PRKG2: variants seen among roughly 807,000 people sequenced by gnomAD.
The protein encoded by PRKG2 is cGMP-dependent protein kinase 2.
PRKG2 carries 33 observed loss-of-function variants against 97.2 expected under a neutral mutation model. The observed-to-expected ratio is 0.34, with a 90% CI of 0.26 to 0.45. PRKG2 has a LOEUF of 0.45. Ranked by LOEUF, PRKG2 falls within the 20% of genes least tolerant of loss-of-function variation. The pLI, the probability that PRKG2 is intolerant of heterozygous loss-of-function variation, is 1.00. For missense variants in PRKG2, 638 were observed against 900.0 expected (o/e 0.71, Z 3.73); for synonymous variants, 330 against 321.8 (o/e 1.03, Z -0.27).
rs544480942 is a variant in PRKG2, at chr4:81,199,326, C to A, written c.461+5261G>T. On this transcript the variant is annotated intron_variant, in intron 2 of 18. Coordinates refer to ENST00000264399, the MANE Select transcript of PRKG2 (RefSeq NM_006259.3). ...ACAATAGCAGGGAGATTTTTCTAAT[C>A]ATTGCATTTAAAAAAAATTATTTCT... 2.0e-5 allele frequency among the ~76,000 whole-genome samples: 3 copies of A among 152,118 alleles called. No homozygotes were observed. The East Asian group carries it at 5.8e-4, about 29-fold the overall frequency.
chr4:81,163,027 G>T (rs1749697823), intron 6 of PRKG2, among the ~76,000 whole-genome samples: 1 of 152,182 alleles, frequency 6.6e-6, no homozygotes, highest in Non-Finnish European at 1.5e-5. Context: ...AGGGGGAAAA[G>T]CTTGAAAGGG....
chr4:81,202,836 C>T (rs1055698994), intron 2 of PRKG2, among the ~76,000 whole-genome samples: 1 of 151,802 alleles, frequency 6.6e-6, no homozygotes, highest in Admixed American at 6.6e-5. Context: ...TGGTGTTTTG[C>T]CTCAAGATGA....
At chr4:81,189,891 T>C (rs1252785523) in intron 2 of PRKG2, among the ~76,000 whole-genome samples, 1 of 152,048 alleles carries the variant, frequency 6.6e-6, no homozygotes, top group African/African-American at 2.4e-5. Context: ...GACCTCTTCA[T>C]GGAGAACTAC....
At chr4:81,210,228 A>T (rs777309310) in intron 1 of PRKG2, among the ~76,000 whole-genome samples, 1 of 151,902 alleles carries the variant, frequency 6.6e-6, no homozygotes, top group Non-Finnish European at 1.5e-5. Flanking sequence ...GAAAAAATTG[A>T]CAATTTTGAC....
At chr4:81,176,553 G>A (rs754830828) in intron 2 of PRKG2, among the ~76,000 whole-genome samples, 107 of 152,180 alleles carry the variant, frequency 7.0e-4, no homozygotes, top group African/African-American at 2.4e-3. Flanking sequence ...TCCAGCTTTC[G>A]CAGACTTTAT....
chr4:81,204,130 C>T (rs2110129170), intron 2 of PRKG2, among the ~76,000 whole-genome samples: 1 of 152,232 alleles, frequency 6.6e-6, no homozygotes. Flanking sequence ...TAGAGACCAC[C>T]ATAAACTGGA....
At chr4:81,151,932 A>G (rs762233885) in intron 8 of PRKG2, 28 bp downstream of exon 8, 1 of 1,529,058 alleles carries the variant, frequency 6.5e-7, no homozygotes, top group South Asian at 1.2e-5. Flanking sequence ...ATTTTATCCA[A>G]AGTATGGCAT....
At chr4:81,120,655 C>T (rs1372596958) in intron 14 of PRKG2, among the ~76,000 whole-genome samples, 1 of 152,148 alleles carries the variant, frequency 6.6e-6, no homozygotes, top group African/African-American at 2.4e-5. Flanking sequence ...TATCCTGCAA[C>T]CTTGCTGTAA....
chr4:81,216,706 C>T (rs1050081547), upstream of PRKG2, among the ~76,000 whole-genome samples: 6 of 151,952 alleles, frequency 3.9e-5, no homozygotes, highest in African/African-American at 1.2e-4. Flanking sequence ...CTATTGGAGT[C>T]CCCAGTGTCT....
chr4:81,097,926 T>G (rs1223455521), intron 17 of PRKG2, among the ~76,000 whole-genome samples: 2 of 152,184 alleles, frequency 1.3e-5, no homozygotes, highest in Non-Finnish European at 2.9e-5. Flanking sequence ...CTAAAATTTG[T>G]TCCATATCAG....
At chr4:81,130,834 C>A (rs958364389) in intron 14 of PRKG2, among the ~76,000 whole-genome samples, 1 of 152,262 alleles carries the variant, frequency 6.6e-6, no homozygotes, top group East Asian at 1.9e-4. Flanking sequence ...GCCCCTCCCC[C>A]CACCAAGCTC....
intron 6 of PRKG2, among the ~76,000 whole-genome samples, chr4:81,161,699 G>A (rs1749602811): frequency 6.6e-6 from 1 of 152,036 alleles, no homozygotes; most frequent in South Asian, 2.1e-4. Flanking sequence ...ACCAGTGATG[G>A]CATGTTCATT....
chr4:81,125,739 G>C (rs1395808140), intron 14 of PRKG2, among the ~76,000 whole-genome samples: 2 of 152,124 alleles, frequency 1.3e-5, no homozygotes, highest in African/African-American at 4.8e-5. Flanking sequence ...AGAAATGTAG[G>C]GGAACAGCCT....
In PRKG2 at chr4:81,089,721, T is replaced by C; in HGVS notation, c.2276A>G (p.Asp759Gly). 6.2e-7 allele frequency: 1 copy of C among 1,610,098 alleles called. No homozygotes were observed. Among genetic ancestry groups the C allele is most frequent in the Non-Finnish European group, 8.5e-7 (1 of 1,176,378 alleles). ...GMPPDELSGW[D>G]KDF ...ACTTTTCTTCTGTCAGAAGTCTTTA[T>C]CCCAGCCTGATAGCTCATCTGGAGG... Residue 759 changes from aspartate (D) to glycine (G), a missense_variant, in exon 19 of 19, where the codon GAT becomes GGT. Physicochemically the swap from Asp to Gly is moderately conservative, Grantham distance 94 (BLOSUM62 -1). Coordinates refer to ENST00000264399, the MANE Select transcript of PRKG2 (RefSeq NM_006259.3).
intron 2 of PRKG2, among the ~76,000 whole-genome samples, chr4:81,191,925 T>C (rs1427241910): frequency 6.6e-6 from 1 of 152,196 alleles, no homozygotes; most frequent in Non-Finnish European, 1.5e-5. Context: ...TATTTGGCCA[T>C]CTATATTAAA....
intron 6 of PRKG2, among the ~76,000 whole-genome samples, chr4:81,154,941 G>A (rs1325983103): frequency 2.0e-5 from 3 of 152,028 alleles, no homozygotes; most frequent in South Asian, 4.1e-4. Flanking sequence ...TTGGGAGGCC[G>A]AGGCGGGCAG....
At chr4:81,120,203 A>C (rs1458331733) in intron 14 of PRKG2, among the ~76,000 whole-genome samples, 2 of 152,198 alleles carry the variant, frequency 1.3e-5, no homozygotes, top group Admixed American at 6.5e-5. Context: ...TGTTCAAATA[A>C]GGAAGACCTG....
At chr4:81,125,975 C>A (rs1454982100) in intron 14 of PRKG2, among the ~76,000 whole-genome samples, 1 of 151,916 alleles carries the variant, frequency 6.6e-6, no homozygotes, top group East Asian at 1.9e-4. Context: ...TTTGCTGCAC[C>A]CATCAACCTG....
intron 1 of PRKG2, among the ~76,000 whole-genome samples, chr4:81,212,405 G>T (rs1056671184): frequency 1.3e-5 from 2 of 150,216 alleles, no homozygotes; most frequent in African/African-American, 4.9e-5. Flanking sequence ...CAAACACACA[G>T]AAATGTAGGT....
Sources: allele counts gnomAD v4.1 joint callset (sites outside exome capture counted in the v4.1 genomes callset), GRCh38; gene constraint gnomAD v4.1.1; transcripts MANE v1.5; gene names NCBI Gene and HGNC (gene_info 2026-07-23, HGNC 2026-07-21).